The following IGHMBP2 variants were observed in gnomAD, a reference collection of about 807,000 sequenced individuals.
IGHMBP2 encodes the protein immunoglobulin mu DNA binding protein 2.
In IGHMBP2, 81 loss-of-function variants were observed where a neutral mutation model predicts 96.0. That is an observed-to-expected ratio of 0.84 (90% CI 0.71 to 1.01). The LOEUF is 1.01. Ranked by LOEUF, IGHMBP2 falls within the 50% of genes least tolerant of loss-of-function variation. IGHMBP2 has a pLI of 0.00. For missense variants in IGHMBP2, 1,227 were observed against 1,306.3 expected (o/e 0.94, Z 0.94); for synonymous variants, 557 against 548.9 (o/e 1.01, Z -0.21).
rs751446350 is a variant in IGHMBP2 at position 68,933,436 on chromosome 11, T to G, written c.1373T>G (p.Leu458Arg). Reference protein sequence around the residue: ...IMRWASDTMYLGQLTAHSSVA... With the variant: ...IMRWASDTMYRGQLTAHSSVA... Reference sequence around the variant, plus strand: ...CGCTGGGCCTCAGACACCATGTACCTTGGGCAGCTCACAGCCCACTCTTCC... The same window carrying G: ...CGCTGGGCCTCAGACACCATGTACCGTGGGCAGCTCACAGCCCACTCTTCC... The change falls in exon 9 of 15, where the codon CTT (leucine) becomes CGT (arginine). Residue 458 changes from leucine to arginine, a missense_variant. Leu to Arg is a moderately radical substitution (Grantham distance 102). This residue lies in a region of IGHMBP2 where 703 missense variants were observed against 770.3 expected (regional missense o/e 0.91). Transcript: ENST00000255078. The G allele has an allele frequency of 9.9e-6, 16 of 1,613,208 alleles. No individual in the cohort carries two copies. Among genetic ancestry groups the G allele is most frequent in the Non-Finnish European group, 1.3e-5 (15 of 1,179,938 alleles).
Position 68,914,821 on chromosome 11 carries a change from A to G in IGHMBP2, c.712-2A>G, listed in dbSNP as rs1263954454. 1.9e-6 allele frequency: 3 copies of G among 1,614,116 alleles called. No homozygotes were observed. The highest frequency in any genetic ancestry group is 2.5e-6 in the Non-Finnish European group (3 of 1,180,036). On this transcript the variant is annotated splice_acceptor_variant, in intron 5 of 14. Transcript: ENST00000255078. LOFTEE classifies it high-confidence loss of function. ...GACCAGATCCTAACTTGCGGTTCCC[A>G]GGTTCTGTGCTGCGCCCCCTCCAAC...
intron 13 of IGHMBP2, 68 bp downstream of exon 13, chr11:68,937,159 C>T: frequency 1.3e-6 from 2 of 1,572,454 alleles, no homozygotes; most frequent in East Asian, 2.2e-5. Context: ...TTGGAGCCCA[C>T]CTGCCACCAT....
intron 2 of IGHMBP2, among the ~76,000 whole-genome samples, chr11:68,907,563 G>T (rs1858250857): frequency 6.6e-6 from 1 of 152,108 alleles, no homozygotes; most frequent in South Asian, 2.1e-4. Flanking sequence ...GCCTTGTTTT[G>T]GTGGTGACGG....
intron 7 of IGHMBP2, among the ~76,000 whole-genome samples, chr11:68,924,834 T>A: frequency 6.6e-6 from 1 of 152,218 alleles, no homozygotes; most frequent in East Asian, 1.9e-4. Context: ...GCCAGGATCC[T>A]GGGGCATACC....
chr11:68,918,598 C>T (rs985915035), intron 7 of IGHMBP2, among the ~76,000 whole-genome samples: 7 of 152,022 alleles, frequency 4.6e-5, no homozygotes, highest in Non-Finnish European at 7.4e-5. Context: ...ACCAAGATCG[C>T]GCCACTGCAC....
rs775832239 is a variant in IGHMBP2 at position 68,934,562 on chromosome 11, C to T, written c.1632+4C>T. 1.5e-4 allele frequency: 247 copies of T among 1,602,532 alleles called. No homozygotes were observed. The highest frequency in any genetic ancestry group is 2.0e-4 in the Non-Finnish European group (238 of 1,172,170). On this transcript the variant is annotated splice_donor_region_variant and intron_variant, in intron 11 of 14. Transcript: ENST00000255078. Reference sequence around the variant, plus strand: ...GGTCTCGCCATACAACCTCCAGGTACGAGGGTTTCCTTTTGTCCCTCTACA... The same window carrying T: ...GGTCTCGCCATACAACCTCCAGGTATGAGGGTTTCCTTTTGTCCCTCTACA...
At chr11:68,920,592 C>T (rs1046076745) in intron 7 of IGHMBP2, among the ~76,000 whole-genome samples, 1 of 152,212 alleles carries the variant, frequency 6.6e-6, no homozygotes, top group South Asian at 2.1e-4. Flanking sequence ...AAGTGATTCT[C>T]CCACCTCAGC....
intron 7 of IGHMBP2, among the ~76,000 whole-genome samples, chr11:68,923,190 C>CT (rs980272826): frequency 1.3e-4 from 20 of 150,972 alleles, no homozygotes; most frequent in Non-Finnish European, 1.5e-4. Flanking sequence ...TTCCTATAAT[C>CT]TTTTTTTTTG....
In IGHMBP2 at chr11:68,938,162, G is replaced by A. The variant is rs760287081; in HGVS notation, c.2612-20G>A. On this transcript the variant is annotated intron_variant, in intron 13 of 14. Transcript: ENST00000255078. ...AGGTGTTGTCTTTCCGTTTGCCTGA[G>A]TGACGCGGGTCTTCTCCAGGACATC... The A allele has an allele frequency of 6.2e-7, 1 of 1,613,924 alleles. No homozygotes were observed. The highest frequency in any genetic ancestry group is 8.5e-7 in the Non-Finnish European group (1 of 1,179,922).
chr11:68,936,221 C>T lies in IGHMBP2; in HGVS notation c.1757-16C>T. On this transcript the variant is annotated splice_polypyrimidine_tract_variant and intron_variant, in intron 12 of 14. Coordinates refer to ENST00000255078, the MANE Select transcript of IGHMBP2 (RefSeq NM_002180.3). ...AGTCTGAAACCTGCTTCTCACTCCC[C>T]TCTGGCCTTTTGTAGGTGAAGTTGG... The T allele has an allele frequency of 6.2e-7, 1 of 1,613,638 alleles. No individual in the cohort carries two copies. Among genetic ancestry groups the T allele is most frequent in the African/African-American group, 1.3e-5 (1 of 75,062 alleles).
In IGHMBP2 at chr11:68,936,498, C is replaced by A. The variant is rs745371869; in HGVS notation, c.2018C>A (p.Thr673Asn). The A allele has an allele frequency of 6.2e-7, 1 of 1,613,768 alleles. No individual in the cohort carries two copies. The highest frequency in any genetic ancestry group is 8.5e-7 in the Non-Finnish European group (1 of 1,179,952). ...AAGCCCCAGGGACCTGCTACGTCCA[C>A]CAGGACCGGAAGCCAGCGGCAGGAG... ...ATKPQGPATSTRTGSQRQEGG... is the reference protein window; with the variant it reads ...ATKPQGPATSNRTGSQRQEGG... Residue 673 changes from threonine to asparagine, a missense_variant, in exon 13 of 15, where the codon ACC becomes AAC. Thr to Asn is a moderately conservative substitution (Grantham distance 65). Transcript: ENST00000255078.
intron 2 of IGHMBP2, chr11:68,906,439 C>T (rs1490157598): frequency 1.9e-5 from 12 of 623,010 alleles, no homozygotes; most frequent in East Asian, 5.7e-5. Flanking sequence ...ATTAGCCATG[C>T]GTGGTCATCA....
chr11:68,938,442 C>CGACTGGAACA, intron 14 of IGHMBP2, 88 bp downstream of exon 14: 5 of 1,183,264 alleles, frequency 4.2e-6, no homozygotes, highest in Non-Finnish European at 6.0e-6. Flanking sequence ...AGACTTGTTC[C>CGACTGGAACA]AGTCGGAACA....
chr11:68,929,078 G>A lies in IGHMBP2; in HGVS notation c.1061-105G>A, dbSNP rs1859172615. 27 of 1,071,852 alleles carry A rather than the reference G, an allele frequency of 2.5e-5. No homozygotes were observed. In the South Asian group the frequency reaches 2.9e-4, roughly 11 times the overall value. The allele number at this position is 1,071,852 out of a possible 1,614,324, so 66.4% of individuals were successfully genotyped here. Reference sequence around the variant, plus strand: ...CAAATTTATCCCACACAGTTGCAATGCAAGCCTTGATGAAACCCCAGCTTG... The same window carrying A: ...CAAATTTATCCCACACAGTTGCAATACAAGCCTTGATGAAACCCCAGCTTG... On this transcript the variant is annotated intron_variant, in intron 7 of 14. Coordinates refer to ENST00000255078, the MANE Select transcript of IGHMBP2 (RefSeq NM_002180.3).
chr11:68,918,959 TG>T (rs140882365), intron 7 of IGHMBP2, among the ~76,000 whole-genome samples: 2,627 of 152,308 alleles, frequency 0.017, 78 homozygotes, highest in African/African-American at 0.058. Context: ...CTGAGATCAT[TG>T]ATTTGAGACC....
chr11:68,920,372 A>C (rs1858834746), intron 7 of IGHMBP2, among the ~76,000 whole-genome samples: 1 of 152,220 alleles, frequency 6.6e-6, no homozygotes, highest in South Asian at 2.1e-4. Context: ...GCTGGGATTA[A>C]CAGGCGTGAG....
rs185901982 is a variant in IGHMBP2 at position 68,933,271 on chromosome 11, C to G, written c.1236-28C>G. On this transcript the variant is annotated intron_variant, in intron 8 of 14. Transcript: ENST00000255078. ...CCTGGACTCTGGGGCTCAGGCCTGC[C>G]TTCCCCCTTTCTCCCTCCTGGGCGC... The G allele has an allele frequency of 3.1e-6, 5 of 1,603,452 alleles. No individual in the cohort carries two copies. The East Asian group carries it at 9.0e-5, about 29-fold the overall frequency.
At chr11:68,935,684 C>T (rs1467050169) in intron 12 of IGHMBP2, among the ~76,000 whole-genome samples, 1 of 152,192 alleles carries the variant, frequency 6.6e-6, no homozygotes, top group Non-Finnish European at 1.5e-5. Context: ...ATCAGGACAT[C>T]CTGCCGAGGA....
chr11:68,908,827 G>T (rs1858305073), intron 4 of IGHMBP2, among the ~76,000 whole-genome samples, 196 bp downstream of exon 4: 1 of 149,948 alleles, frequency 6.7e-6, no homozygotes, highest in Non-Finnish European at 1.5e-5. Flanking sequence ...TAATGAACTG[G>T]CTCGTTCCAT....
Sources: gnomAD v4.1 joint callset for allele counts (sites outside exome capture counted in the v4.1 genomes callset) on GRCh38, gnomAD v4.1.1 for gene constraint, gnomAD v4.1.1 regional missense constraint, MANE v1.5 for transcripts, NCBI Gene and HGNC (gene_info 2026-07-23, HGNC 2026-07-21) for gene names.